Variants in DLEC1 observed in about 807,000 individuals in gnomAD.
DLEC1 encodes DLEC1 cilia and flagella associated protein, also known as deleted in lung and esophageal cancer protein 1.
A neutral mutation model predicts 198.1 loss-of-function variants in DLEC1; 146 were observed. That is an observed-to-expected ratio of 0.74 (90% CI 0.64 to 0.85). The LOEUF is 0.85. Among genes scored for constraint, DLEC1 ranks in the 40% least tolerant of loss-of-function variants. DLEC1 has a pLI of 0.00. For missense variants in DLEC1, 2,233 were observed against 2,220.0 expected, an observed-to-expected ratio of 1.01 and a Z score of -0.12; for synonymous variants, 897 against 866.8, an observed-to-expected ratio of 1.03 and a Z score of -0.61.
intron 6 of DLEC1, among the ~76,000 whole-genome samples, chr3:38,075,186 G>C (rs550976058): frequency 6.6e-6 from 1 of 152,068 alleles, no homozygotes; most frequent in Non-Finnish European, 1.5e-5. Flanking sequence ...GGGGGCAGGC[G>C]GGAAGGAAAG....
At position 38,086,390 on chromosome 3, in the gene DLEC1, A is replaced by T; in HGVS notation, c.1572+13A>T. ...ACTAAGTTTCAAGGTGAGTGATCAC[A>T]GGTTGCTAACTGGAAAAATTACAAG... is the stretch of plus-strand genomic sequence containing the variant. On this transcript the variant is annotated intron_variant, in intron 9 of 36. Coordinates refer to ENST00000308059, the MANE Select transcript of DLEC1 (RefSeq NM_007335.4). 6.3e-7 allele frequency: 1 copy of T among 1,593,102 alleles called. No individual in the cohort carries two copies. The highest frequency in any genetic ancestry group is 8.6e-7 in the Non-Finnish European group (1 of 1,168,940).
rs562986582 is a variant in DLEC1, at chr3:38,085,586, A to G, written c.1435+139A>G. 4 of 996,170 alleles carry G rather than the reference A, an allele frequency of 4.0e-6. No individual in the cohort carries two copies. The South Asian group carries it at 4.9e-5, about 12-fold the overall frequency. 61.7% of individuals were successfully genotyped at this position (996,170 alleles called of 1,614,324 possible). A position where few individuals can be genotyped will look rare whatever the true frequency, so the allele number is the denominator to read the frequency against. ...AGGGGCCGTGGGTCCTGCAGAGGAA[A>G]CTGCTAGCAGCTTCTGTAGCCATCC... On this transcript the variant is annotated intron_variant, in intron 8 of 36. Transcript: ENST00000308059.
In DLEC1 at chr3:38,109,551, C is replaced by T. The variant is rs536644848; in HGVS notation, c.3249C>T (p.Ser1083=). The change falls in exon 22 of 37, where the codon AGC becomes AGT. Residue 1083 remains serine (S), a synonymous_variant. Coordinates refer to ENST00000308059, the MANE Select transcript of DLEC1 (RefSeq NM_007335.4). The stretch of plus-strand genomic sequence containing the variant: ...TGGCCATTACCATCTCTAAGGAGAG[C>T]TCTGATTGCAGGTGAGCCCAGGGTT... ...LQVAITISKE[S]SDCSTEQWPG... 1.2e-6 allele frequency: 2 copies of T among 1,614,210 alleles called. No individual in the cohort carries two copies. Among genetic ancestry groups the T allele is most frequent in the East Asian group, 2.2e-5 (1 of 44,892 alleles).
At chr3:38,119,082 G>A (rs1700326565) in intron 33 of DLEC1, among the ~76,000 whole-genome samples, 1 of 152,204 alleles carries the variant, frequency 6.6e-6, no homozygotes, top group South Asian at 2.1e-4. Flanking sequence ...GAGCTTCCAA[G>A]GAGACACGGC....
chr3:38,073,938 A>T (rs1306379525), intron 6 of DLEC1, among the ~76,000 whole-genome samples: 3 of 152,174 alleles, frequency 2.0e-5, no homozygotes, highest in Non-Finnish European at 2.9e-5. Flanking sequence ...CGCTAAGCTG[A>T]GCAGATCTGG....
intron 22 of DLEC1, chr3:38,109,831 C>T (rs961430121): frequency 2.9e-6 from 2 of 694,580 alleles, no homozygotes; most frequent in Non-Finnish European, 2.3e-6. Context: ...CTGTAGGTAC[C>T]CTGGGCTTGC....
At chr3:38,057,437 A>G (rs1157645423) in intron 2 of DLEC1, among the ~76,000 whole-genome samples, 1 of 152,100 alleles carries the variant, frequency 6.6e-6, no homozygotes, top group Non-Finnish European at 1.5e-5. Flanking sequence ...AGTTGCAGTG[A>G]GCTGAGATCA....
chr3:38,097,692 G>C (rs543679803), intron 17 of DLEC1, 52 bp from the exon 18 acceptor site: 1 of 1,613,622 alleles, frequency 6.2e-7, no homozygotes, highest in South Asian at 1.1e-5. Flanking sequence ...GCAGGGCTGG[G>C]ACACTGAGCC....
intron 2 of DLEC1, among the ~76,000 whole-genome samples, chr3:38,051,221 T>C (rs1285173752): frequency 6.6e-6 from 1 of 152,220 alleles, no homozygotes; most frequent in African/African-American, 2.4e-5. Flanking sequence ...CTTAAGATAA[T>C]GTTGGCTAAT....
intron 22 of DLEC1, chr3:38,109,830 C>A: frequency 1.4e-6 from 1 of 701,772 alleles, no homozygotes; most frequent in South Asian, 2.0e-5. Context: ...GCTGTAGGTA[C>A]CCTGGGCTTG....
chr3:38,050,548 G>A (rs1701065103), intron 2 of DLEC1, among the ~76,000 whole-genome samples: 1 of 152,010 alleles, frequency 6.6e-6, no homozygotes, highest in South Asian at 2.1e-4. Flanking sequence ...TGAGAGTGGG[G>A]GTTTTGGGGG....
rs148727017 is a variant in DLEC1 at position 38,101,212 on chromosome 3, C to T, written c.2864+787C>T. Among the ~76,000 whole-genome samples, 248 of 152,234 alleles carry T rather than the reference C, an allele frequency of 1.6e-3. 5 individuals are homozygous for T. The East Asian group carries it at 0.031, about 19-fold the overall frequency. ...GTGGCTCACGCCTGTAATCCCAGCA[C>T]TTTGGGAGGCCGAGGCAGGCAAATC... On this transcript the variant is annotated intron_variant, in intron 19 of 36. Transcript: ENST00000308059.
chr3:38,086,338 C>T lies in DLEC1; in HGVS notation c.1533C>T (p.Cys511=), dbSNP rs374898232. Residue 511 remains cysteine, a synonymous_variant, in exon 9 of 37, where the codon TGC becomes TGT. Coordinates refer to ENST00000308059, the MANE Select transcript of DLEC1 (RefSeq NM_007335.4). ...KNVGFSVGRF[C]IMPKTSWPPL... is the part of the protein sequence containing the mutation. ...TGGGTTTCAGTGTTGGCAGGTTCTG[C>T]ATTATGCCCAAAACAAGCTGGCCAC... is the stretch of plus-strand genomic sequence containing the variant. 8.7e-6 allele frequency: 14 copies of T among 1,611,966 alleles called. No individual in the cohort carries two copies. The African/African-American group carries it at 1.6e-4, about 18-fold the overall frequency.
intron 6 of DLEC1, among the ~76,000 whole-genome samples, chr3:38,080,250 G>A (rs967091260): frequency 3.3e-5 from 5 of 152,156 alleles, no homozygotes; most frequent in Non-Finnish European, 5.9e-5. Context: ...GTGTGAGGAG[G>A]GGAGGTGATA....
At chr3:38,082,503 T>A (rs546833989) in intron 6 of DLEC1, among the ~76,000 whole-genome samples, 2 of 152,042 alleles carry the variant, frequency 1.3e-5, no homozygotes, top group African/African-American at 4.8e-5. Context: ...TTCTTAACCC[T>A]CCAGAAAAGT....
intron 10 of DLEC1, 59 bp from the exon 11 acceptor site, chr3:38,092,731 G>A (rs1575185893): frequency 1.4e-6 from 2 of 1,472,810 alleles, no homozygotes; most frequent in Non-Finnish European, 1.9e-6. Flanking sequence ...GAGGGTGGGA[G>A]GCGGGGAGGG....
intron 14 of DLEC1, among the ~76,000 whole-genome samples, chr3:38,096,189 A>T (rs2125696067): frequency 6.6e-6 from 1 of 152,174 alleles, no homozygotes; most frequent in Admixed American, 6.5e-5. Flanking sequence ...CCCCAGGCCC[A>T]TTGTTGCTCT....
At chr3:38,086,591 G>A (rs1698469945) in intron 9 of DLEC1, among the ~76,000 whole-genome samples, 1 of 152,196 alleles carries the variant, frequency 6.6e-6, no homozygotes, top group African/African-American at 2.4e-5. Flanking sequence ...GTACCATGCT[G>A]GGCAAGCGGT....
chr3:38,107,269 C>CT, intron 19 of DLEC1, among the ~76,000 whole-genome samples: 1 of 152,166 alleles, frequency 6.6e-6, no homozygotes, highest in East Asian at 1.9e-4. Flanking sequence ...AAATAAGCCA[C>CT]TTTGAAATAA....
Sources: gnomAD v4.1 joint callset for allele counts (sites outside exome capture counted in the v4.1 genomes callset) on GRCh38, gnomAD v4.1.1 for gene constraint, MANE v1.5 for transcripts, NCBI Gene and HGNC (gene_info 2026-07-23, HGNC 2026-07-21) for gene names.